CTBP2: variants seen among roughly 807,000 people sequenced by gnomAD.
CTBP2 encodes the protein C-terminal-binding protein 2.
A neutral mutation model predicts 80.3 loss-of-function variants in CTBP2; 30 were observed. The observed-to-expected ratio is 0.37, with a 90% CI of 0.28 to 0.51. The LOEUF (loss-of-function observed/expected upper bound fraction) is 0.51, where lower values mean the gene tolerates loss of function less well. Ranked by LOEUF, CTBP2 falls within the 20% of genes least tolerant of loss-of-function variation. CTBP2 has a pLI of 0.93. For missense variants in CTBP2, 1,212 were observed against 1,375.3 expected (o/e 0.88, Z 1.88); for synonymous variants, 594 against 587.4 (o/e 1.01, Z -0.16).
intron 4 of CTBP2, chr10:124,996,038 C>G (rs1314831693): frequency 7.8e-6 from 1 of 127,942 alleles, no homozygotes; most frequent in Non-Finnish European, 1.6e-5. Flanking sequence ...GTGCCGACGG[C>G]TATTTCTTTG....
At chr10:125,006,088 G>A (rs754342706) in intron 1 of CTBP2, 156 of 1,122,090 alleles carry the variant, frequency 1.4e-4, no homozygotes, top group Admixed American at 3.1e-4. Flanking sequence ...CCTAGCGATC[G>A]GCTCCCTCCC....
intron 2 of CTBP2, among the ~76,000 whole-genome samples, chr10:125,089,978 G>A (rs1848530386): frequency 6.6e-6 from 1 of 152,152 alleles, no homozygotes; most frequent in African/African-American, 2.4e-5. Context: ...TCCACTGGTG[G>A]GAACCTGGGG....
chr10:125,073,907 T>A (rs960011724), intron 2 of CTBP2, among the ~76,000 whole-genome samples: 1 of 152,180 alleles, frequency 6.6e-6, no homozygotes, highest in South Asian at 2.1e-4. Flanking sequence ...CCCAGGACGG[T>A]CTGTTCTTAC....
chr10:125,044,365 G>A (rs1960696311), intron 2 of CTBP2, among the ~76,000 whole-genome samples: 2 of 142,538 alleles, frequency 1.4e-5, no homozygotes, highest in South Asian at 4.4e-4. Context: ...TGCAGATACG[G>A]TGCCAGTTAA....
chr10:125,130,476 G>A (rs560042099), intron 1 of CTBP2, among the ~76,000 whole-genome samples: 5 of 152,280 alleles, frequency 3.3e-5, no homozygotes, highest in Non-Finnish European at 5.9e-5. Context: ...AATGCCACAC[G>A]ACTTGGACGC....
chr10:125,009,186 CCTTA>C (rs144708728), intron 1 of CTBP2, among the ~76,000 whole-genome samples: 2,031 of 152,232 alleles, frequency 0.013, 49 homozygotes, highest in African/African-American at 0.046. Context: ...GTAAAAATGG[CCTTA>C]CTAAGTAAAT....
intron 2 of CTBP2, among the ~76,000 whole-genome samples, chr10:125,110,319 C>A (rs962149968): frequency 6.6e-6 from 1 of 152,146 alleles, no homozygotes; most frequent in South Asian, 2.1e-4. Flanking sequence ...TAAGAAAGAT[C>A]CAGGTTTTGT....
rs1229464205 is a variant in CTBP2 at position 124,987,828 on chromosome 10, G to T, written c.*1690C>A. ...GGGAGTTTCATACCTGGAATTGTTGGACTTAATTGACACTTGCAAATACTT... is the reference window on the plus strand; with the variant it reads ...GGGAGTTTCATACCTGGAATTGTTGTACTTAATTGACACTTGCAAATACTT... On this transcript the variant is annotated 3_prime_UTR_variant, in exon 9 of 9. Transcript: ENST00000309035. 1 of 152,162 alleles carries T rather than the reference G, an allele frequency of 6.6e-6. No homozygotes were observed. The highest frequency in any genetic ancestry group is 1.5e-5 in the Non-Finnish European group (1 of 68,030). The allele number at this position is 152,162 out of a possible 1,614,324, so 9.4% of individuals were successfully genotyped here.
intron 1 of CTBP2, among the ~76,000 whole-genome samples, chr10:125,017,564 C>T (rs1436901976): frequency 1.3e-5 from 2 of 152,236 alleles, no homozygotes; most frequent in Non-Finnish European, 2.9e-5. Flanking sequence ...GTGTGTGTTA[C>T]AGCTGTTCCC....
At chr10:125,151,889 C>A (rs185459730) in intron 1 of CTBP2, among the ~76,000 whole-genome samples, 3 of 152,288 alleles carry the variant, frequency 2.0e-5, no homozygotes, top group Non-Finnish European at 1.5e-5. Flanking sequence ...CAAAGGCCAG[C>A]GGGAGGAAGG....
In CTBP2 at chr10:124,990,046, T is replaced by G. The variant is rs552921530; in HGVS notation, c.2778-348A>C. Among the ~76,000 whole-genome samples, 18 of 150,700 alleles carry G rather than the reference T, an allele frequency of 1.2e-4. No homozygotes were observed. The East Asian group carries it at 3.3e-3, about 28-fold the overall frequency. ...AGACACCAGGCCTGGCTAATAGTTT[T>G]TTTTTTTTTTTTTGAGATGGAGTCT... On this transcript the variant is annotated intron_variant, in intron 8 of 8. Transcript: ENST00000309035.
At chr10:125,078,668 G>A (rs1434127385) in intron 2 of CTBP2, among the ~76,000 whole-genome samples, 3 of 152,104 alleles carry the variant, frequency 2.0e-5, no homozygotes, top group Admixed American at 6.5e-5. Context: ...TCTGGAGGCG[G>A]AGCAATCACC....
chr10:125,017,125 G>A (rs1956576026), intron 1 of CTBP2, among the ~76,000 whole-genome samples: 1 of 152,248 alleles, frequency 6.6e-6, no homozygotes, highest in Admixed American at 6.5e-5. Context: ...CCAAAGAACA[G>A]CTGACTGTAT....
At chr10:124,995,731 G>A (rs1953394368) in intron 4 of CTBP2, among the ~76,000 whole-genome samples, 1 of 152,296 alleles carries the variant, frequency 6.6e-6, no homozygotes, top group South Asian at 2.1e-4. Context: ...GAACCATCAC[G>A]CCTCTCCTCC....
At chr10:124,991,770 T>C (rs1216434350) in intron 8 of CTBP2, among the ~76,000 whole-genome samples, 1 of 152,072 alleles carries the variant, frequency 6.6e-6, no homozygotes, top group African/African-American at 2.4e-5. Context: ...CCAAATATAC[T>C]TATTGCCAAG....
Position 124,989,673 on chromosome 10 carries a change from C to A in CTBP2, c.2803G>T (p.Ala935Ser). ...ATGGCTGCAGGAAGTCCTCCTGGAG[C>A]CACACCCACGATGCCTGGCGGATAT... The change falls in exon 9 of 9, where the codon GCT becomes TCT. Residue 935 changes from alanine (A) to serine (S), a missense_variant. By Grantham distance (99) the Ala-to-Ser change is moderately conservative. Coordinates refer to ENST00000309035, the MANE Select transcript of CTBP2 (RefSeq NM_022802.3). 1.3e-6 allele frequency: 2 copies of A among 1,595,352 alleles called. No homozygotes were observed. Among genetic ancestry groups the A allele is most frequent in the Non-Finnish European group, 1.7e-6 (2 of 1,170,120 alleles).
intron 2 of CTBP2, among the ~76,000 whole-genome samples, chr10:125,057,213 G>A (rs1433875818): frequency 1.3e-5 from 2 of 152,222 alleles, no homozygotes; most frequent in East Asian, 1.9e-4. Context: ...TGAGGTCAGC[G>A]AGTAGAGAGG....
intron 2 of CTBP2, among the ~76,000 whole-genome samples, chr10:125,063,411 C>T (rs1383928190): frequency 1.3e-5 from 2 of 152,140 alleles, no homozygotes; most frequent in Admixed American, 6.5e-5. Flanking sequence ...CTCTTCTGCC[C>T]ACGTGAGGAA....
chr10:125,043,875 T>C (rs538717336), intron 2 of CTBP2, among the ~76,000 whole-genome samples: 63 of 152,242 alleles, frequency 4.1e-4, no homozygotes, highest in Non-Finnish European at 7.5e-4. Context: ...AACATGATGA[T>C]GGCTTTCAAT....
Sources: gnomAD v4.1 joint callset for allele counts (sites outside exome capture counted in the v4.1 genomes callset) on GRCh38, gnomAD v4.1.1 for gene constraint, MANE v1.5 for transcripts, NCBI Gene and HGNC (gene_info 2026-07-23, HGNC 2026-07-21) for gene names.